The following KIF26B variants were observed in gnomAD, a reference collection of about 807,000 sequenced individuals.
KIF26B encodes kinesin-like protein KIF26B.
Under a neutral mutation model 151.2 loss-of-function variants are expected in KIF26B, and 63 were observed. That is an observed-to-expected ratio of 0.42 (90% CI 0.34 to 0.51). KIF26B has a LOEUF of 0.51. Ranked by LOEUF, KIF26B falls within the 20% of genes least tolerant of loss-of-function variation. The pLI is 0.07. For missense variants in KIF26B, 2,813 were observed against 2,913.6 expected, an observed-to-expected ratio of 0.97 and a Z score of 0.79; for synonymous variants, 1,357 against 1,262.1, an observed-to-expected ratio of 1.08 and a Z score of -1.59.
At chr1:245,385,652 GAA>G (rs1209678722) in intron 3 of KIF26B, among the ~76,000 whole-genome samples, 3 of 152,156 alleles carry the variant, frequency 2.0e-5, no homozygotes, top group Non-Finnish European at 2.9e-5. Flanking sequence ...GGCAGAGAAG[GAA>G]GGGAAAACAT....
chr1:245,469,847 T>A (rs1044152964), intron 4 of KIF26B, among the ~76,000 whole-genome samples: 1 of 152,154 alleles, frequency 6.6e-6, no homozygotes, highest in Non-Finnish European at 1.5e-5. Context: ...TCCCTACCTG[T>A]GGTCTGTAAG....
At chr1:245,643,061 G>A (rs2043910477) in intron 9 of KIF26B, among the ~76,000 whole-genome samples, 5 of 152,110 alleles carry the variant, frequency 3.3e-5, no homozygotes, top group Admixed American at 3.3e-4. Context: ...AGCTCTTATG[G>A]TTACTGTTTG....
At chr1:245,460,626 G>T (rs1178184521) in intron 4 of KIF26B, among the ~76,000 whole-genome samples, 2 of 152,220 alleles carry the variant, frequency 1.3e-5, no homozygotes, top group Non-Finnish European at 2.9e-5. Context: ...AAGTCACTTG[G>T]CAAAGAAAAG....
At chr1:245,463,590 A>G (rs1659701370) in intron 4 of KIF26B, among the ~76,000 whole-genome samples, 1 of 152,130 alleles carries the variant, frequency 6.6e-6, no homozygotes, top group African/African-American at 2.4e-5. Flanking sequence ...ACTTCCTGGG[A>G]CTTTGCAGTC....
At chr1:245,464,839 C>A (rs1396754344) in intron 4 of KIF26B, among the ~76,000 whole-genome samples, 2 of 151,796 alleles carry the variant, frequency 1.3e-5, no homozygotes, top group African/African-American at 4.8e-5. Flanking sequence ...GGTCACTAAT[C>A]AATTGTGAGC....
chr1:245,573,792 T>C (rs2043089911), intron 5 of KIF26B, among the ~76,000 whole-genome samples: 1 of 152,122 alleles, frequency 6.6e-6, no homozygotes, highest in Non-Finnish European at 1.5e-5. Context: ...GAGCCCTGTA[T>C]GTGCTGTTTT....
At chr1:245,578,379 T>G (rs1382494565) in intron 5 of KIF26B, among the ~76,000 whole-genome samples, 1 of 152,228 alleles carries the variant, frequency 6.6e-6, no homozygotes, top group Non-Finnish European at 1.5e-5. Flanking sequence ...GTGCAAGTCC[T>G]GATTCACAGA....
chr1:245,425,682 G>A (rs1243918074), intron 4 of KIF26B, among the ~76,000 whole-genome samples: 2 of 152,234 alleles, frequency 1.3e-5, no homozygotes, highest in African/African-American at 2.4e-5. Flanking sequence ...TGGGATTACA[G>A]GCGTGAGCCA....
At chr1:245,284,488 C>A (rs1671131311) in intron 2 of KIF26B, among the ~76,000 whole-genome samples, 1 of 152,084 alleles carries the variant, frequency 6.6e-6, no homozygotes, top group Non-Finnish European at 1.5e-5. Context: ...GGCATTTCTT[C>A]ATTTCATTTA....
intron 4 of KIF26B, among the ~76,000 whole-genome samples, chr1:245,426,880 G>A (rs1056287288): frequency 2.8e-4 from 42 of 152,202 alleles, no homozygotes; most frequent in African/African-American, 9.2e-4. Flanking sequence ...CTCAGATAGC[G>A]CCTTGCTGTG....
chr1:245,205,099 GT>G (rs1206872035), intron 2 of KIF26B, among the ~76,000 whole-genome samples: 6 of 152,054 alleles, frequency 3.9e-5, no homozygotes, highest in African/African-American at 1.4e-4. Flanking sequence ...TTTCTTAATT[GT>G]TCATTTAACA....
intron 4 of KIF26B, among the ~76,000 whole-genome samples, chr1:245,447,807 A>G (rs1484580234): frequency 6.6e-6 from 1 of 152,164 alleles, no homozygotes. Flanking sequence ...CTACCCCTTA[A>G]TCTACATGTA....
chr1:245,169,362 T>TGTGTGTGTGTGCGC (rs879260509), intron 2 of KIF26B, among the ~76,000 whole-genome samples: 2 of 150,986 alleles, frequency 1.3e-5, no homozygotes, highest in African/African-American at 4.9e-5. Context: ...TGTGTGTGTG[T>TGTGTGTGTGTGCGC]GCGCGCAAGC....
intron 2 of KIF26B, among the ~76,000 whole-genome samples, chr1:245,184,405 G>C (rs1019291624): frequency 6.6e-6 from 1 of 152,056 alleles, no homozygotes; most frequent in Non-Finnish European, 1.5e-5. Context: ...TCCTGGGTTG[G>C]CTTTAGACTC....
Position 245,606,692 on chromosome 1 carries a change from A to G in KIF26B, c.1558-959A>G, listed in dbSNP as rs1228410638. Among the ~76,000 whole-genome samples, 1 of 152,210 alleles carries G rather than the reference A, an allele frequency of 6.6e-6. No homozygotes were observed. The highest frequency in any genetic ancestry group is 2.4e-5 in the African/African-American group (1 of 41,444). ...CACACACCCGGCCAAAGAACACCTA[A>G]TAACATACCATGTGGTGACTGATAC... On this transcript the variant is annotated intron_variant, in intron 6 of 14. Coordinates refer to ENST00000407071, the MANE Select transcript of KIF26B (RefSeq NM_018012.4). This position sits in a 1 kb window ranked among gnomAD's most constrained non-coding sequence, Gnocchi z 4.6.
intron 3 of KIF26B, among the ~76,000 whole-genome samples, chr1:245,406,373 A>G (rs1285246537): frequency 6.6e-6 from 1 of 152,192 alleles, no homozygotes; most frequent in African/African-American, 2.4e-5. Context: ...CCTGTCTCCA[A>G]TTTGGGCATC....
chr1:245,536,883 A>C (rs140609751), intron 4 of KIF26B, among the ~76,000 whole-genome samples: 4 of 152,342 alleles, frequency 2.6e-5, no homozygotes, highest in African/African-American at 4.8e-5. Context: ...TGAGTGTCTC[A>C]AGAAAGGAAG....
At chr1:245,314,246 G>A (rs1409416118) in intron 2 of KIF26B, among the ~76,000 whole-genome samples, 1 of 152,090 alleles carries the variant, frequency 6.6e-6, no homozygotes, top group Non-Finnish European at 1.5e-5. Flanking sequence ...TCAGGAGCTT[G>A]AGACCAGCCT....
chr1:245,684,270 G>A lies in KIF26B; in HGVS notation c.2296G>A (p.Gly766Arg). The part of the protein sequence containing the change: ...KLAMLLRESL[G>R]NMNCRTTMIA... ...CGCCATGTTGCTGCGGGAGTCTCTG[G>A]GGAACATGAACTGCCGTACCACCAT... Residue 766 changes from glycine to arginine, a missense_variant, in exon 11 of 15, where the codon GGG becomes AGG. This residue lies in a region of KIF26B where 2,060 missense variants were observed against 2,088.6 expected (regional missense o/e 0.99). Transcript: ENST00000407071. 1 of 1,613,892 alleles carries A rather than the reference G, an allele frequency of 6.2e-7. No individual in the cohort carries two copies. Among genetic ancestry groups the A allele is most frequent in the Non-Finnish European group, 8.5e-7 (1 of 1,179,804 alleles).
Sources: allele counts gnomAD v4.1 joint callset (sites outside exome capture counted in the v4.1 genomes callset), GRCh38; gene constraint gnomAD v4.1.1; regional missense constraint gnomAD v4.1.1; non-coding constraint Gnocchi (gnomAD v3.1); transcripts MANE v1.5; gene names NCBI Gene and HGNC (gene_info 2026-07-23, HGNC 2026-07-21).